YIPF3: variants seen among roughly 807,000 people sequenced by gnomAD.
YIPF3 encodes the protein Yip1 domain family member 3.
In YIPF3, 18 loss-of-function variants were observed where a neutral mutation model predicts 40.3. That is an observed-to-expected ratio of 0.45 (90% confidence interval 0.31 to 0.66). The LOEUF is 0.66. Ranked by LOEUF, YIPF3 falls within the 30% of genes least tolerant of loss-of-function variation. The probability of loss-of-function intolerance (pLI) is 0.07; values close to 1 mark genes in which losing one functional copy is unlikely to be tolerated. For missense variants in YIPF3, 406 were observed against 452.2 expected, an observed-to-expected ratio of 0.90 and a Z score of 0.93; for synonymous variants, 190 against 179.6, an observed-to-expected ratio of 1.06 and a Z score of -0.46.
At chr6:43,512,985 G>T (rs1188129033) in intron 6 of YIPF3, 84 bp downstream of exon 6, 3 of 1,595,434 alleles carry the variant, frequency 1.9e-6, no homozygotes, top group Non-Finnish European at 1.7e-6. Context: ...CCCATTCCAG[G>T]CTTTGGGGCC....
chr6:43,512,561 T>G lies in YIPF3; in HGVS notation c.783A>C (p.Val261=). ...LVGGLSTLRM[V]AVLVSRTVGP... ...CCACGGTCCGAGACACCAACACTGC[T>G]ACCTAGGACCATGAGAATACAGCTC... The change falls in exon 8 of 9, where the codon GTA becomes GTC. Residue 261 remains valine (V), a splice_region_variant and synonymous_variant. Transcript: ENST00000372422. 6.2e-7 allele frequency: 1 copy of G among 1,610,174 alleles called. No individual in the cohort carries two copies. Among genetic ancestry groups the G allele is most frequent in the Non-Finnish European group, 8.5e-7 (1 of 1,178,964 alleles).
intron 3 of YIPF3, among the ~76,000 whole-genome samples, chr6:43,514,434 G>C (rs1792734024): frequency 6.6e-6 from 1 of 152,180 alleles, no homozygotes; most frequent in South Asian, 2.1e-4. Flanking sequence ...GCACTTTCGA[G>C]TATTTTCTTG....
rs1561852768 is a variant in YIPF3, at chr6:43,513,081, C to T, written c.654G>A (p.Met218Ile). 1 of 1,614,086 alleles carries T rather than the reference C, an allele frequency of 6.2e-7. No individual in the cohort carries two copies. ...LCNAQITMLQ[M>I]LALLGYGLFG... ...CCTGGCTCCTTACCAGCAGTGCCAA[C>T]ATCTGCAGCATGGTGATCTGGGCGT... is the stretch of plus-strand genomic sequence containing the variant. Residue 218 changes from methionine to isoleucine, a missense_variant, in exon 6 of 9, where the codon ATG becomes ATA. By Grantham distance (10) the Met-to-Ile change is conservative. Coordinates refer to ENST00000372422, the MANE Select transcript of YIPF3 (RefSeq NM_015388.4).
intron 3 of YIPF3, 128 bp downstream of exon 3, chr6:43,515,467 C>A: frequency 2.4e-6 from 2 of 836,320 alleles, no homozygotes; most frequent in East Asian, 2.5e-5. Context: ...GTGACAGGTG[C>A]AGTGATGAGA....
At position 43,512,770 on chromosome 6, in the gene YIPF3, T is replaced by C. The variant is rs778897291; in HGVS notation, c.771A>G (p.Thr257=). The part of the protein sequence containing the change: ...LFWLLVGGLS[T]LRMVAVLVSR... ...CTCTTGCCCAGCTTACCATGCGCAG[T>C]GTGGACAGTCCACCCACCAACAGCC... The change falls in exon 7 of 9, where the codon ACA becomes ACG. Residue 257 remains threonine, a synonymous_variant. Transcript: ENST00000372422. 2.5e-6 allele frequency: 4 copies of C among 1,613,470 alleles called. No individual in the cohort carries two copies. The highest frequency in any genetic ancestry group is 2.2e-5 in the East Asian group (1 of 44,882).
At chr6:43,516,617 A>T in intron 1 of YIPF3, 110 bp downstream of exon 1, 5 of 1,295,982 alleles carry the variant, frequency 3.9e-6, no homozygotes, top group Non-Finnish European at 5.4e-6. Flanking sequence ...CCCAAAGAAG[A>T]GAGTTTTGTA....
Position 43,513,110 on chromosome 6 carries a change from A to G in YIPF3, c.625T>C (p.Cys209Arg), listed in dbSNP as rs374016504. The change falls in exon 6 of 9, where the codon TGC becomes CGC. Residue 209 changes from cysteine to arginine, a missense_variant. By Grantham distance (180) the Cys-to-Arg change is radical. Transcript: ENST00000372422. ...SSFIYFLAYL[C>R]NAQITMLQML... is the part of the protein sequence containing the mutation. ...TGCAGCATGGTGATCTGGGCGTTGC[A>G]CAGGTAGGCAAGGAAGTAAATGAAG... 1 of 1,614,182 alleles carries G rather than the reference A, an allele frequency of 6.2e-7. No homozygotes were observed. The highest frequency in any genetic ancestry group is 8.5e-7 in the Non-Finnish European group (1 of 1,180,036).
chr6:43,516,238 C>T, intron 1 of YIPF3, 143 bp from the exon 2 acceptor site: 1 of 1,462,658 alleles, frequency 6.8e-7, no homozygotes. Flanking sequence ...CTCCATTCCC[C>T]CTCATATGCT....
Position 43,512,782 on chromosome 6 carries a change from A to G in YIPF3, c.759T>C (p.Gly253=). The G allele has an allele frequency of 6.2e-7, 1 of 1,613,834 alleles. No individual in the cohort carries two copies. Among genetic ancestry groups the G allele is most frequent in the African/African-American group, 1.3e-5 (1 of 75,040 alleles). The change falls in exon 7 of 9, where the codon GGT becomes GGC. Residue 253 remains glycine (G), a synonymous_variant. Coordinates refer to ENST00000372422, the MANE Select transcript of YIPF3 (RefSeq NM_015388.4). ...ALFYLFWLLV[G]GLSTLRMVAV... ...TTACCATGCGCAGTGTGGACAGTCC[A>G]CCCACCAACAGCCAGAAGAGGTAGA...
Position 43,512,170 on chromosome 6 carries a change from G to C in YIPF3, c.1050C>G (p.His350Gln), listed in dbSNP as rs770224325. The C allele has an allele frequency of 1.2e-6, 2 of 1,614,242 alleles. No homozygotes were observed. Among genetic ancestry groups the C allele is most frequent in the Non-Finnish European group, 8.5e-7 (1 of 1,180,046 alleles). The change falls in exon 9 of 9, where the codon CAC becomes CAG. Residue 350 changes from histidine (H) to glutamine (Q), a missense_variant. Transcript: ENST00000372422. ...AKAVAVTLQS[H>Q] Reference sequence around the variant, plus strand: ...TGGCCAAGAATTTCAGGTGGGGTCAGTGTGACTGCAGGGTCACCGCAACAG... The same window carrying C: ...TGGCCAAGAATTTCAGGTGGGGTCACTGTGACTGCAGGGTCACCGCAACAG...
At chr6:43,514,994 CTTT>C (rs944845557) in intron 3 of YIPF3, among the ~76,000 whole-genome samples, 5 of 138,496 alleles carry the variant, frequency 3.6e-5, no homozygotes, top group East Asian at 2.1e-4. Context: ...GCGCAGAGTT[CTTT>C]TTTTTTTTTT....
chr6:43,516,900 G>A lies in YIPF3; in HGVS notation c.-93C>T, dbSNP rs560735222. On this transcript the variant is annotated 5_prime_UTR_variant, in exon 1 of 9. Transcript: ENST00000372422. ...CTCCGGAAGGTAGACGTCCAGGGTC[G>A]AGGAGAGGTGGGATCGGCCGGAACA... The A allele has an allele frequency of 1.4e-6, 2 of 1,396,356 alleles. No homozygotes were observed. Among genetic ancestry groups the A allele is most frequent in the Non-Finnish European group, 2.0e-6 (2 of 1,007,974 alleles). The allele number at this position is 1,396,356 out of a possible 1,614,324, so 86.5% of individuals were successfully genotyped here.
Position 43,516,846 on chromosome 6 carries a change from C to A in YIPF3, c.-39G>T, listed in dbSNP as rs762407112. ...TCCCGTCGCTGAAACCCGCGCTAGC[C>A]CCGCGCGCGGAGTGGGCAAGATGTG... On this transcript the variant is annotated 5_prime_UTR_variant, in exon 1 of 9. Coordinates refer to ENST00000372422, the MANE Select transcript of YIPF3 (RefSeq NM_015388.4). The A allele has an allele frequency of 3.9e-6, 6 of 1,553,482 alleles. No homozygotes were observed. The highest frequency in any genetic ancestry group is 2.7e-5 in the African/African-American group (2 of 73,028).
Position 43,515,648 on chromosome 6 carries a change from G to A in YIPF3, c.342C>T (p.Asn114=), listed in dbSNP as rs1792794288. ...QASRAFSLYA[N]IDILRPYFDV... ...CAAAGTAGGGTCTGAGGATGTCGAT[G>A]TTGGCGTACAAGCTGAAGGCCCTGG... Residue 114 remains asparagine, a synonymous_variant, in exon 3 of 9, where the codon AAC becomes AAT. Coordinates refer to ENST00000372422, the MANE Select transcript of YIPF3 (RefSeq NM_015388.4). 1.2e-6 allele frequency: 2 copies of A among 1,613,994 alleles called. No individual in the cohort carries two copies. The highest frequency in any genetic ancestry group is 1.7e-6 in the Non-Finnish European group (2 of 1,180,050).
chr6:43,515,673 G>T lies in YIPF3; in HGVS notation c.317C>A (p.Ser106Tyr), dbSNP rs1286128538. 6.2e-7 allele frequency: 1 copy of T among 1,614,096 alleles called. No homozygotes were observed. Among genetic ancestry groups the T allele is most frequent in the Non-Finnish European group, 8.5e-7 (1 of 1,180,036 alleles). The change falls in exon 3 of 9, where the codon TCC becomes TAC. Residue 106 changes from serine (S) to tyrosine (Y), a missense_variant. Coordinates refer to ENST00000372422, the MANE Select transcript of YIPF3 (RefSeq NM_015388.4). ...QMWQAGKRQA[S>Y]RAFSLYANID... ...GTTGGCGTACAAGCTGAAGGCCCTG[G>T]AGGCTTGTCTTTTCCCAGCCTGCCA...
At position 43,513,342 on chromosome 6, in the gene YIPF3, T is replaced by C. The variant is rs764785128; in HGVS notation, c.534+17A>G. ...ACCTAGTGCAGCCACCCCCCCAAAG[T>C]TGTCTGTCCTGCTTACGATAATAGT... On this transcript the variant is annotated intron_variant, in intron 5 of 8. Transcript: ENST00000372422. The C allele has an allele frequency of 6.2e-7, 1 of 1,614,120 alleles. No homozygotes were observed. The highest frequency in any genetic ancestry group is 8.5e-7 in the Non-Finnish European group (1 of 1,179,964).
At chr6:43,513,886 A>G in intron 3 of YIPF3, 1 of 384,884 alleles carries the variant, frequency 2.6e-6, no homozygotes, top group East Asian at 4.0e-5. Flanking sequence ...TATATGGAGA[A>G]CTCAGCCCTA....
At chr6:43,513,736 C>T in intron 3 of YIPF3, 103 bp from the exon 4 acceptor site, 1 of 1,199,182 alleles carries the variant, frequency 8.3e-7, no homozygotes, top group Non-Finnish European at 1.2e-6. Flanking sequence ...GGGAATGGGG[C>T]CTGGCCTAGA....
intron 1 of YIPF3, 77 bp downstream of exon 1, chr6:43,516,650 A>C: frequency 1.3e-6 from 2 of 1,542,444 alleles, no homozygotes; most frequent in Non-Finnish European, 1.8e-6. Flanking sequence ...TTCCAGGCCC[A>C]GAGGGGGAAT....
Sources: allele counts gnomAD v4.1 joint callset (sites outside exome capture counted in the v4.1 genomes callset), GRCh38; gene constraint gnomAD v4.1.1; transcripts MANE v1.5; gene names NCBI Gene and HGNC (gene_info 2026-07-23, HGNC 2026-07-21).